The following ADAMTS19 variants were observed in gnomAD, a reference collection of about 807,000 sequenced individuals.
ADAMTS19 encodes the protein ADAM metallopeptidase with thrombospondin type 1 motif 19, also known as A disintegrin and metalloproteinase with thrombospondin motifs 19.
Under a neutral mutation model 153.3 loss-of-function variants are expected in ADAMTS19, and 93 were observed. That is an observed-to-expected ratio of 0.61 (90% CI 0.51 to 0.72). The LOEUF (loss-of-function observed/expected upper bound fraction) is 0.72. ADAMTS19 is among the 30% of genes least tolerant of loss of function. The pLI, the probability that ADAMTS19 is intolerant of heterozygous loss-of-function variation, is 0.00. For missense variants in ADAMTS19, 1,482 were observed against 1,552.1 expected (o/e 0.95, Z 0.76); for synonymous variants, 600 against 556.6 (o/e 1.08, Z -1.10).
chr5:129,596,787 A>G (rs1750400992), intron 8 of ADAMTS19, 123 bp downstream of exon 8: 4 of 667,024 alleles, frequency 6.0e-6, no homozygotes, highest in Non-Finnish European at 1.0e-5. Flanking sequence ...AACTAGGGAG[A>G]CAAGAAGGGG....
chr5:129,722,446 G>T (rs1338173772), intron 21 of ADAMTS19, among the ~76,000 whole-genome samples: 2 of 152,010 alleles, frequency 1.3e-5, no homozygotes, highest in Non-Finnish European at 2.9e-5. Context: ...TGATGGGGTT[G>T]TTTTTGTCTT....
Position 129,622,857 on chromosome 5 carries a change from CTA to C in ADAMTS19, c.1770+511_1770+512del, listed in dbSNP as rs199537777. Among the ~76,000 whole-genome samples the C allele has an allele frequency of 4.0e-3, 606 of 152,082 alleles. 1 individual carries two copies. Among genetic ancestry groups the C allele is most frequent in the African/African-American group, 0.013 (556 of 41,490 alleles). ...TTGTAAATGCTATGTAATTATTATACTATGTTATTTTATTATTTGTATTATTT... is the reference window on the plus strand; with the variant it reads ...TTGTAAATGCTATGTAATTATTATACTGTTATTTTATTATTTGTATTATTT... On this transcript the variant is annotated intron_variant, in intron 10 of 22. Coordinates refer to ENST00000274487, the MANE Select transcript of ADAMTS19 (RefSeq NM_133638.6).
At chr5:129,578,041 T>TACACACAC (rs748371915) in intron 7 of ADAMTS19, among the ~76,000 whole-genome samples, 3,936 of 98,556 alleles carry the variant, frequency 0.04, 221 homozygotes, top group Non-Finnish European at 0.053. Flanking sequence ...CAAACTTACA[T>TACACACAC]ACACACACAC....
intron 6 of ADAMTS19, among the ~76,000 whole-genome samples, chr5:129,549,851 C>G (rs1753004310): frequency 1.6e-5 from 2 of 122,772 alleles, no homozygotes; most frequent in Non-Finnish European, 3.2e-5. Flanking sequence ...TCTATATATA[C>G]ATATACATGT....
At chr5:129,602,810 T>A (rs181595200) in intron 8 of ADAMTS19, among the ~76,000 whole-genome samples, 12 of 148,266 alleles carry the variant, frequency 8.1e-5, no homozygotes, top group Admixed American at 4.1e-4. Context: ...ATTTTTGTAT[T>A]GTTGTCTTAT....
chr5:129,679,602 G>T (rs927587448), intron 16 of ADAMTS19, among the ~76,000 whole-genome samples, 162 bp from the exon 17 acceptor site: 3 of 152,210 alleles, frequency 2.0e-5, no homozygotes, highest in Admixed American at 2.0e-4. Context: ...TGCCATGATT[G>T]CAGACTTTTC....
At chr5:129,544,110 T>A (rs1752762183) in intron 6 of ADAMTS19, among the ~76,000 whole-genome samples, 1 of 152,180 alleles carries the variant, frequency 6.6e-6, no homozygotes, top group African/African-American at 2.4e-5. Context: ...TTTTAATAAT[T>A]AATGTTGATA....
chr5:129,693,815 T>G lies in ADAMTS19; in HGVS notation c.2819-905T>G, dbSNP rs568414603. Among the ~76,000 whole-genome samples, 4 of 152,318 alleles carry G rather than the reference T, an allele frequency of 2.6e-5. No homozygotes were observed. In the East Asian group the frequency reaches 7.7e-4, roughly 29 times the overall value. On this transcript the variant is annotated intron_variant, in intron 18 of 22. Coordinates refer to ENST00000274487, the MANE Select transcript of ADAMTS19 (RefSeq NM_133638.6). ...GAGAAAGTAGAAAAGCCAAGTTTTCTGAAATCTGGTAAAAGATGGTAAGAG... is the reference window on the plus strand; with the variant it reads ...GAGAAAGTAGAAAAGCCAAGTTTTCGGAAATCTGGTAAAAGATGGTAAGAG...
chr5:129,524,662 A>C (rs1186979073), intron 3 of ADAMTS19, among the ~76,000 whole-genome samples: 1 of 151,952 alleles, frequency 6.6e-6, no homozygotes, highest in Non-Finnish European at 1.5e-5. Context: ...GACACTTCTC[A>C]AAAGAAGACA....
At chr5:129,470,358 G>A (rs1215344667) in intron 2 of ADAMTS19, among the ~76,000 whole-genome samples, 2 of 152,222 alleles carry the variant, frequency 1.3e-5, no homozygotes, top group African/African-American at 2.4e-5. Context: ...AATCAGAGGA[G>A]TTGCAGGTTC....
intron 6 of ADAMTS19, among the ~76,000 whole-genome samples, chr5:129,535,451 A>T (rs1029986390): frequency 1.3e-5 from 2 of 152,346 alleles, no homozygotes; most frequent in East Asian, 3.9e-4. Flanking sequence ...GCTTATGGGT[A>T]GGAAGAATCA....
intron 8 of ADAMTS19, among the ~76,000 whole-genome samples, chr5:129,601,512 A>C (rs138933652): frequency 7.2e-5 from 11 of 152,302 alleles, no homozygotes; most frequent in African/African-American, 2.6e-4. Flanking sequence ...AGAGGCCCTA[A>C]GACTAATCTG....
At chr5:129,538,878 A>G (rs1270701387) in intron 6 of ADAMTS19, among the ~76,000 whole-genome samples, 1 of 152,116 alleles carries the variant, frequency 6.6e-6, no homozygotes, top group Non-Finnish European at 1.5e-5. Context: ...TTGTCATATT[A>G]TAAGCATATT....
intron 21 of ADAMTS19, among the ~76,000 whole-genome samples, chr5:129,733,809 CTATCCA>C (rs1332994259): frequency 1.3e-5 from 2 of 151,922 alleles, no homozygotes; most frequent in Non-Finnish European, 2.9e-5. Flanking sequence ...TATTGGGTAT[CTATCCA>C]AAGGAAACAA....
At chr5:129,475,328 AATACC>A (rs1385832057) in intron 2 of ADAMTS19, among the ~76,000 whole-genome samples, 1 of 152,140 alleles carries the variant, frequency 6.6e-6, no homozygotes, top group Admixed American at 6.5e-5. Flanking sequence ...ATTTGTTGAA[AATACC>A]ATACTTTCCT....
chr5:129,652,384 G>C (rs1753355042), intron 13 of ADAMTS19, among the ~76,000 whole-genome samples: 1 of 152,196 alleles, frequency 6.6e-6, no homozygotes, highest in Non-Finnish European at 1.5e-5. Flanking sequence ...TAAATGTGGG[G>C]TAGCAATGCA....
chr5:129,683,933 T>C, intron 17 of ADAMTS19, among the ~76,000 whole-genome samples, 187 bp from the exon 18 acceptor site: 1 of 151,194 alleles, frequency 6.6e-6, no homozygotes, highest in Non-Finnish European at 1.5e-5. Flanking sequence ...TGGCAATATC[T>C]ACATTTAAGA....
At chr5:129,523,009 C>T (rs1282528674) in intron 3 of ADAMTS19, among the ~76,000 whole-genome samples, 1 of 149,758 alleles carries the variant, frequency 6.7e-6, no homozygotes, top group Non-Finnish European at 1.5e-5. Flanking sequence ...GAGCGGAGAT[C>T]GCGACACTGC....
chr5:129,568,418 A>C (rs143026379), intron 7 of ADAMTS19, among the ~76,000 whole-genome samples: 1 of 152,288 alleles, frequency 6.6e-6, no homozygotes, highest in East Asian at 1.9e-4. Context: ...ATTCCATTTG[A>C]AATGGTAAAA....
Sources: gnomAD v4.1 joint callset for allele counts (sites outside exome capture counted in the v4.1 genomes callset) on GRCh38, gnomAD v4.1.1 for gene constraint, MANE v1.5 for transcripts, NCBI Gene and HGNC (gene_info 2026-07-23, HGNC 2026-07-21) for gene names.